DYNC2H1: variants seen among roughly 807,000 people sequenced by gnomAD.
DYNC2H1 encodes the protein cytoplasmic dynein 2 heavy chain 1.
A neutral mutation model predicts 570.0 loss-of-function variants in DYNC2H1; 410 were observed. The ratio of observed to expected loss-of-function variants is 0.72; its 90% CI spans 0.66 to 0.78. DYNC2H1 has a LOEUF of 0.78. Among genes scored for constraint, DYNC2H1 ranks in the 30% least tolerant of loss-of-function variants. The pLI is 0.00. For missense variants in DYNC2H1, 4,865 were observed against 5,046.4 expected, an observed-to-expected ratio of 0.96 and a Z score of 1.09; for synonymous variants, 1,688 against 1,677.6, an observed-to-expected ratio of 1.01 and a Z score of -0.15.
intron 82 of DYNC2H1, among the ~76,000 whole-genome samples, chr11:103,356,470 CA>C (rs1940345651): frequency 2.0e-5 from 3 of 151,924 alleles, no homozygotes; most frequent in Admixed American, 1.3e-4. Flanking sequence ...ACATCATGCA[CA>C]AAAAAATTTG....
intron 82 of DYNC2H1, among the ~76,000 whole-genome samples, chr11:103,339,799 A>G (rs1261581361): frequency 1.3e-5 from 2 of 152,194 alleles, no homozygotes; most frequent in East Asian, 3.9e-4. Context: ...AGGCCACTTT[A>G]TTCCATAGTT....
chr11:103,126,723 G>A (rs1251210541), intron 12 of DYNC2H1, among the ~76,000 whole-genome samples: 1 of 149,770 alleles, frequency 6.7e-6, no homozygotes, highest in Non-Finnish European at 1.5e-5. Flanking sequence ...TGCAAGCTCC[G>A]CCTCCCGGGT....
intron 37 of DYNC2H1, 85 bp downstream of exon 37, chr11:103,176,519 C>T (rs2134989798): frequency 1.8e-6 from 2 of 1,111,546 alleles, no homozygotes; most frequent in East Asian, 6.2e-5. Flanking sequence ...CATCTTTCAA[C>T]TTATCTTTTA....
At chr11:103,457,239 A>T (rs1023743124) in intron 87 of DYNC2H1, among the ~76,000 whole-genome samples, 1 of 152,244 alleles carries the variant, frequency 6.6e-6, no homozygotes, top group African/African-American at 2.4e-5. Context: ...TTCATGCTTT[A>T]TGTATTTACT....
At chr11:103,212,157 C>T (rs1863181577) in intron 54 of DYNC2H1, among the ~76,000 whole-genome samples, 1 of 151,994 alleles carries the variant, frequency 6.6e-6, no homozygotes, top group Admixed American at 6.6e-5. Flanking sequence ...TATTTCTTTT[C>T]TTCGCTGGTT....
intron 84 of DYNC2H1, chr11:103,407,307 A>G (rs1278827526): frequency 6.6e-6 from 1 of 151,874 alleles, no homozygotes; most frequent in Non-Finnish European, 1.5e-5. Flanking sequence ...ATCTGACCTT[A>G]CTTTAGGACA....
Position 103,456,402 on chromosome 11 carries a change from CTGATA to C in DYNC2H1, c.12648+48_12648+52del, listed in dbSNP as rs745591050. On this transcript the variant is annotated intron_variant, in intron 87 of 88. Transcript: ENST00000375735. ...CTTGGAATCTCAGCCTTATCACCAA[CTGATA>C]TAAGAGATTCTGAAATTTTGATCTC... is the stretch of plus-strand genomic sequence containing the variant. The C allele has an allele frequency of 1.6e-5, 23 of 1,469,668 alleles. No individual in the cohort carries two copies. The Middle Eastern group carries it at 8.6e-4, about 55-fold the overall frequency. 91.0% of individuals were successfully genotyped at this position (1,469,668 alleles called of 1,614,324 possible). A position where few individuals can be genotyped will look rare whatever the true frequency, so the allele number is the denominator to read the frequency against.
chr11:103,112,170 A>C (rs1858147236), intron 1 of DYNC2H1, among the ~76,000 whole-genome samples: 2 of 152,098 alleles, frequency 1.3e-5, no homozygotes, highest in Admixed American at 1.3e-4. Flanking sequence ...TTCTAAGCAA[A>C]AGAAACTGTA....
chr11:103,277,493 C>A lies in DYNC2H1; in HGVS notation c.10696-2855C>A, dbSNP rs1159374823. On this transcript the variant is annotated intron_variant, in intron 70 of 88. Transcript: ENST00000375735. The surrounding 1 kb of genome is among the most constrained non-coding windows in gnomAD (Gnocchi z 4.3). ...TTACATTCTTGAGTATTTAATGATA[C>A]TTGTATTAGAGTCTCTTTCAGATTG... Among the ~76,000 whole-genome samples, 1 of 152,010 alleles carries A rather than the reference C, an allele frequency of 6.6e-6. No individual in the cohort carries two copies. The highest frequency in any genetic ancestry group is 1.9e-4 in the East Asian group (1 of 5,192).
chr11:103,222,138 C>T lies in DYNC2H1; in HGVS notation c.9216C>T (p.Gly3072=), dbSNP rs760254978. The part of the protein sequence containing the change: ...SVEELLFKNK[G]SFDPKNAKRA... ...AAGAACTTCTTTTTAAAAATAAAGGCTCTTTTGATCCAAAGGTAATTTTTA... is the reference window on the plus strand; with the variant it reads ...AAGAACTTCTTTTTAAAAATAAAGGTTCTTTTGATCCAAAGGTAATTTTTA... Residue 3072 remains glycine (G), a synonymous_variant, in exon 58 of 89, where the codon GGC becomes GGT. Coordinates refer to ENST00000375735, the MANE Select transcript of DYNC2H1 (RefSeq NM_001377.3). 2.6e-6 allele frequency: 4 copies of T among 1,558,006 alleles called. No individual in the cohort carries two copies. The highest frequency in any genetic ancestry group is 1.9e-5 in the Admixed American group (1 of 52,922).
rs950965606 is a variant in DYNC2H1, at chr11:103,185,753, T to G, written c.6634-489T>G. On this transcript the variant is annotated intron_variant, in intron 41 of 88. Coordinates refer to ENST00000375735, the MANE Select transcript of DYNC2H1 (RefSeq NM_001377.3). This position sits in a 1 kb window ranked among gnomAD's most constrained non-coding sequence, Gnocchi z 4.5. ...ATATGCTGCTTTTAAGCACATACTC[T>G]CTTGTCAAAGTTCCGAATAAATGTA... 1.3e-5 allele frequency among the ~76,000 whole-genome samples: 2 copies of G among 151,944 alleles called. No individual in the cohort carries two copies. Among genetic ancestry groups the G allele is most frequent in the African/African-American group, 4.8e-5 (2 of 41,406 alleles).
chr11:103,260,619 ATTTT>A (rs35142548), intron 70 of DYNC2H1, among the ~76,000 whole-genome samples: 2 of 140,074 alleles, frequency 1.4e-5, no homozygotes, highest in Non-Finnish European at 1.5e-5. Flanking sequence ...TGTACTTAGA[ATTTT>A]TTTTTTTTTT....
intron 84 of DYNC2H1, among the ~76,000 whole-genome samples, chr11:103,428,261 T>C (rs1943749682): frequency 6.8e-6 from 1 of 148,040 alleles, no homozygotes; most frequent in African/African-American, 2.5e-5. Flanking sequence ...TGCAGTTGGA[T>C]GATGTAATAA....
At chr11:103,401,527 A>G (rs1850592772) in intron 84 of DYNC2H1, among the ~76,000 whole-genome samples, 1 of 152,172 alleles carries the variant, frequency 6.6e-6, no homozygotes, top group African/African-American at 2.4e-5. Flanking sequence ...TGATATTTAT[A>G]TGTAGAAATA....
In DYNC2H1 at chr11:103,149,785, A is replaced by T. The variant is rs141113477; in HGVS notation, c.2946+1168A>T. Among the ~76,000 whole-genome samples the T allele has an allele frequency of 1.2e-3, 177 of 151,556 alleles. 1 individual carries two copies. Among genetic ancestry groups the T allele is most frequent in the Admixed American group, 2.2e-3 (34 of 15,188 alleles). ...ACGTGTGTGCGTGTGTGTGTGTGTG[A>T]GAGAGAGTGAGCAAAAGAGGATTGA... On this transcript the variant is annotated intron_variant, in intron 20 of 88. Coordinates refer to ENST00000375735, the MANE Select transcript of DYNC2H1 (RefSeq NM_001377.3).
chr11:103,310,690 TTTTTTTTTG>T lies in DYNC2H1; in HGVS notation c.11494-1187_11494-1179del, dbSNP rs1373296343. Among the ~76,000 whole-genome samples, 103 of 92,438 alleles carry T rather than the reference TTTTTTTTTG, an allele frequency of 1.1e-3. 1 individual carries two copies. Among genetic ancestry groups the T allele is most frequent in the African/African-American group, 4.4e-3 (92 of 20,736 alleles). The allele number at this position is 92,438 out of a possible 152,430, so 60.6% of individuals were successfully genotyped here. On this transcript the variant is annotated intron_variant, in intron 78 of 88. Transcript: ENST00000375735. Reference sequence around the variant, plus strand: ...TGTATTTTCTTTTTTTTTTTTTTTTTTTTTTTTTGGGAGACTGAGTCTTGCTCTGTGCCC... The same window carrying T: ...TGTATTTTCTTTTTTTTTTTTTTTTTGGAGACTGAGTCTTGCTCTGTGCCC...
intron 57 of DYNC2H1, among the ~76,000 whole-genome samples, chr11:103,221,187 AC>A: frequency 6.6e-6 from 1 of 152,106 alleles, no homozygotes; most frequent in Middle Eastern, 3.2e-3. Flanking sequence ...AAAGAGGGAG[AC>A]CCTTAAATAA....
chr11:103,477,869 C>G (rs1945611183), intron 88 of DYNC2H1, among the ~76,000 whole-genome samples: 1 of 144,516 alleles, frequency 6.9e-6, no homozygotes, highest in Non-Finnish European at 1.5e-5. Flanking sequence ...TCAATTATTC[C>G]TAGCACCCAA....
intron 11 of DYNC2H1, among the ~76,000 whole-genome samples, chr11:103,124,445 CAAAAAA>C (rs34997507): frequency 1.4e-5 from 1 of 71,386 alleles, no homozygotes; most frequent in Non-Finnish European, 2.6e-5. Flanking sequence ...TACCCTGTCT[CAAAAAA>C]AAAAAAAAAA....
Sources: allele counts gnomAD v4.1 joint callset (sites outside exome capture counted in the v4.1 genomes callset), GRCh38; gene constraint gnomAD v4.1.1; non-coding constraint Gnocchi (gnomAD v3.1); transcripts MANE v1.5; gene names NCBI Gene and HGNC (gene_info 2026-07-23, HGNC 2026-07-21).